The following MT3 variants were observed in gnomAD, a reference collection of about 807,000 sequenced individuals.
MT3 encodes metallothionein 3.
MT3 carries 8 observed loss-of-function variants against 10.9 expected under a neutral mutation model. The observed-to-expected ratio is 0.73, with a 90% CI of 0.43 to 1.33. The LOEUF (loss-of-function observed/expected upper bound fraction) is 1.33, where lower values mean the gene tolerates loss of function less well. MT3 is among the 40% of genes most tolerant of loss of function. MT3 has a pLI of 0.01. For missense variants in MT3, 75 were observed against 83.9 expected (o/e 0.89, Z 0.41); for synonymous variants, 32 against 29.9 (o/e 1.07, Z -0.23).
chr16:56,589,876 C>T lies in MT3; in HGVS notation c.38C>T (p.Ser13Phe). 6.2e-7 allele frequency: 1 copy of T among 1,614,120 alleles called. No homozygotes were observed. Among genetic ancestry groups the T allele is most frequent in the Non-Finnish European group, 8.5e-7 (1 of 1,180,026 alleles). Residue 13 changes from serine (S) to phenylalanine (F), a missense_variant, in exon 2 of 3, where the codon TCC becomes TTC. Transcript: ENST00000200691. ...GTGGCGTCGCCCTCTCTAGGTGGCTCCTGCACCTGCGCGGACTCCTGCAAG... is the reference window on the plus strand; with the variant it reads ...GTGGCGTCGCCCTCTCTAGGTGGCTTCTGCACCTGCGCGGACTCCTGCAAG... ...PETCPCPSGG[S>F]CTCADSCKCE...
chr16:56,590,787 A>C, intron 2 of MT3, 53 bp from the exon 3 acceptor site: 1 of 1,553,586 alleles, frequency 6.4e-7, no homozygotes, highest in Non-Finnish European at 8.8e-7. Context: ...TTTGATGGGG[A>C]CGAATTGGGG....
intron 2 of MT3, chr16:56,590,557 C>A: frequency 3.9e-6 from 2 of 507,786 alleles, no homozygotes; most frequent in Non-Finnish European, 7.2e-6. Context: ...GCCTAGTACC[C>A]ACCTAAGCTG....
chr16:56,589,859 G>C lies in MT3; in HGVS notation c.32-11G>C. ...CCACATTAACCCTTCCTGTGGCGTC[G>C]CCCTCTCTAGGTGGCTCCTGCACCT... On this transcript the variant is annotated splice_polypyrimidine_tract_variant and intron_variant, in intron 1 of 2. Coordinates refer to ENST00000200691, the MANE Select transcript of MT3 (RefSeq NM_005954.4). The C allele has an allele frequency of 6.2e-7, 1 of 1,613,976 alleles. No individual in the cohort carries two copies. Among genetic ancestry groups the C allele is most frequent in the Non-Finnish European group, 8.5e-7 (1 of 1,179,944 alleles).
At chr16:56,589,841 A>G (rs762861150) in intron 1 of MT3, 29 bp from the exon 2 acceptor site, 1 of 1,613,678 alleles carries the variant, frequency 6.2e-7, no homozygotes. Context: ...CGTCCACATT[A>G]ACCCTTCCTG....
At chr16:56,590,776 C>A in intron 2 of MT3, 64 bp from the exon 3 acceptor site, 1 of 1,534,344 alleles carries the variant, frequency 6.5e-7, no homozygotes, top group East Asian at 2.4e-5. Flanking sequence ...CTTCCCTCCC[C>A]TTTGATGGGG....
intron 2 of MT3, 142 bp downstream of exon 2, chr16:56,590,077 C>G: frequency 1.2e-6 from 1 of 835,966 alleles, no homozygotes; most frequent in African/African-American, 1.7e-5. Flanking sequence ...CCCGGGCAGA[C>G]ATTAAAATAC....
chr16:56,589,671 T>A (rs745970001), intron 1 of MT3, 50 bp downstream of exon 1: 4 of 1,605,020 alleles, frequency 2.5e-6, no homozygotes, highest in Non-Finnish European at 3.4e-6. Context: ...CCCTTGTACC[T>A]GCAAAGAAAC....
intron 2 of MT3, 90 bp downstream of exon 2, chr16:56,590,025 G>A (rs747354880): frequency 5.7e-6 from 8 of 1,408,490 alleles, no homozygotes; most frequent in African/African-American, 1.4e-5. Context: ...AGACAGCCAG[G>A]CCCCGATCCC....
At position 56,590,957 on chromosome 16, in the gene MT3, C is replaced by A. The variant is rs756503118; in HGVS notation, c.*8C>A. ...TGCAGCTGCTGCCAGTGAGAAGGCA[C>A]CCCTCCGTGTGGAGCACGTGGAGAT... On this transcript the variant is annotated 3_prime_UTR_variant, in exon 3 of 3. Coordinates refer to ENST00000200691, the MANE Select transcript of MT3 (RefSeq NM_005954.4). The A allele has an allele frequency of 2.5e-6, 4 of 1,610,726 alleles. No individual in the cohort carries two copies. The African/African-American group carries it at 4.0e-5, about 16-fold the overall frequency.
rs781000891 is a variant in MT3, at chr16:56,589,541, A to T, written c.-50A>T. The T allele has an allele frequency of 6.6e-7, 1 of 1,525,082 alleles. No homozygotes were observed. Among genetic ancestry groups the T allele is most frequent in the Admixed American group, 2.1e-5 (1 of 47,008 alleles). The allele number at this position is 1,525,082 out of a possible 1,614,324, so 94.5% of individuals were successfully genotyped here. ...CTGCCACTAGCCAAGCCGCGCGTCC[A>T]GTTGCTTGGAGAAGCCCGTTCACCG... On this transcript the variant is annotated 5_prime_UTR_variant, in exon 1 of 3. Coordinates refer to ENST00000200691, the MANE Select transcript of MT3 (RefSeq NM_005954.4).
Position 56,589,556 on chromosome 16 carries a change from C to T in MT3, c.-35C>T. 1 of 1,545,374 alleles carries T rather than the reference C, an allele frequency of 6.5e-7. No homozygotes were observed. The highest frequency in any genetic ancestry group is 8.7e-7 in the Non-Finnish European group (1 of 1,148,440). The stretch of plus-strand genomic sequence containing the variant: ...CCGCGCGTCCAGTTGCTTGGAGAAG[C>T]CCGTTCACCGCCTCCAGCTGCTGCT... On this transcript the variant is annotated 5_prime_UTR_variant, in exon 1 of 3. Coordinates refer to ENST00000200691, the MANE Select transcript of MT3 (RefSeq NM_005954.4).
chr16:56,589,983 G>A (rs558510182), intron 2 of MT3, 48 bp downstream of exon 2: 2 of 1,595,080 alleles, frequency 1.3e-6, no homozygotes, highest in African/African-American at 1.3e-5. Flanking sequence ...TCTGCTCTGC[G>A]GAGTCGGTGT....
intron 1 of MT3, 60 bp downstream of exon 1, chr16:56,589,681 C>T (rs545187994): frequency 2.5e-4 from 401 of 1,604,294 alleles, no homozygotes; most frequent in Non-Finnish European, 3.2e-4. Context: ...TGCAAAGAAA[C>T]CCACGCCCTG....
chr16:56,590,262 T>G lies in MT3; in HGVS notation c.97+327T>G, dbSNP rs1597054070. 8 of 603,038 alleles carry G rather than the reference T, an allele frequency of 1.3e-5. No homozygotes were observed. The East Asian group carries it at 1.6e-4, about 12-fold the overall frequency. 37.4% of individuals were successfully genotyped at this position (603,038 alleles called of 1,614,324 possible). On this transcript the variant is annotated intron_variant, in intron 2 of 2. Transcript: ENST00000200691. ...AACCTGGGGAAGCCATTAGTGAGGC[T>G]GCGGCTCAGCTCTGGAGTTCCGGTC... is the stretch of plus-strand genomic sequence containing the variant.
intron 1 of MT3, 81 bp downstream of exon 1, chr16:56,589,702 C>T (rs774900156): frequency 6.2e-7 from 1 of 1,600,582 alleles, no homozygotes; most frequent in Non-Finnish European, 8.5e-7. Flanking sequence ...CGCCTTCGCT[C>T]AAGGACACTT....
Position 56,589,999 on chromosome 16 carries a change from C to A in MT3, c.97+64C>A, listed in dbSNP as rs773003886. The A allele has an allele frequency of 1.8e-5, 28 of 1,560,252 alleles. 1 individual carries two copies. The highest frequency in any genetic ancestry group is 2.5e-5 in the Non-Finnish European group (28 of 1,133,332). ...CTGCTCTGCGGAGTCGGTGTCTCAC[C>A]ACGCAGGATGTGGAGAGACAGCCAG... On this transcript the variant is annotated intron_variant, in intron 2 of 2. Coordinates refer to ENST00000200691, the MANE Select transcript of MT3 (RefSeq NM_005954.4).
In MT3 at chr16:56,590,878, G is replaced by T; in HGVS notation, c.136G>T (p.Ala46Ser). 6.2e-7 allele frequency: 1 copy of T among 1,614,052 alleles called. No homozygotes were observed. The highest frequency in any genetic ancestry group is 8.5e-7 in the Non-Finnish European group (1 of 1,179,984). ...SCCPAECEKC[A>S]KDCVCKGGEA... Reference sequence around the variant, plus strand: ...CTGCCCTGCGGAGTGTGAGAAGTGTGCCAAGGACTGTGTGTGCAAAGGCGG... The same window carrying T: ...CTGCCCTGCGGAGTGTGAGAAGTGTTCCAAGGACTGTGTGTGCAAAGGCGG... Residue 46 changes from alanine (A) to serine (S), a missense_variant, in exon 3 of 3, where the codon GCC (alanine) becomes TCC (serine). Transcript: ENST00000200691.
At chr16:56,589,988 C>T in intron 2 of MT3, 53 bp downstream of exon 2, 1 of 1,579,808 alleles carries the variant, frequency 6.3e-7, no homozygotes. Context: ...TCTGCGGAGT[C>T]GGTGTCTCAC....
In MT3 at chr16:56,589,631, C is replaced by T. The variant is rs753456770; in HGVS notation, c.31+10C>T. The T allele has an allele frequency of 2.2e-5, 35 of 1,605,260 alleles. No individual in the cohort carries two copies. The highest frequency in any genetic ancestry group is 2.8e-5 in the Non-Finnish European group (33 of 1,179,692). On this transcript the variant is annotated intron_variant, in intron 1 of 2. Transcript: ENST00000200691. ...TGCCCCTGCCCTTCTGGTGAGCCCC[C>T]GCCCCCGCTCGCATCCTGCGCACTG...
Sources: gnomAD v4.1 joint callset for allele counts on GRCh38, gnomAD v4.1.1 for gene constraint, MANE v1.5 for transcripts, NCBI Gene and HGNC (gene_info 2026-07-23, HGNC 2026-07-21) for gene names.